The following MTMR7 variants were observed in gnomAD, a reference collection of about 807,000 sequenced individuals.
The protein encoded by MTMR7 is myotubularin related protein 7.
A neutral mutation model predicts 81.2 loss-of-function variants in MTMR7; 76 were observed. The observed-to-expected ratio is 0.94, with a 90% CI of 0.78 to 1.13. The LOEUF (loss-of-function observed/expected upper bound fraction) is 1.13, where lower values mean the gene tolerates loss of function less well. MTMR7 is among the 50% of genes most tolerant of loss of function. The pLI is 0.00. For synonymous variants in MTMR7, 372 were observed against 289.8 expected (o/e 1.28, Z -2.88); for missense variants, 1,044 against 820.0 (o/e 1.27, Z -3.34).
intron 1 of MTMR7, among the ~76,000 whole-genome samples, chr8:17,393,957 A>C (rs1343498190): frequency 6.6e-6 from 1 of 152,240 alleles, no homozygotes; most frequent in Non-Finnish European, 1.5e-5. Context: ...AAAGATGCTC[A>C]ACATAATTAG....
At chr8:17,355,139 T>C (rs1217480588) in intron 4 of MTMR7, among the ~76,000 whole-genome samples, 1 of 152,172 alleles carries the variant, frequency 6.6e-6, no homozygotes, top group Admixed American at 6.5e-5. Context: ...CAAGGAGACG[T>C]TATTCCACAA....
chr8:17,376,879 A>C (rs1425747825), intron 1 of MTMR7, among the ~76,000 whole-genome samples: 1 of 151,902 alleles, frequency 6.6e-6, no homozygotes, highest in African/African-American at 2.4e-5. Context: ...TGTTTTTTTA[A>C]CTCTAGCCCT....
At chr8:17,333,881 C>G (rs1033510507) in intron 6 of MTMR7, among the ~76,000 whole-genome samples, 1 of 151,948 alleles carries the variant, frequency 6.6e-6, no homozygotes, top group Non-Finnish European at 1.5e-5. Flanking sequence ...CCACAAGGGA[C>G]AGGAGGGTTA....
chr8:17,345,453 C>T (rs534049271), intron 5 of MTMR7, among the ~76,000 whole-genome samples: 26 of 152,338 alleles, frequency 1.7e-4, no homozygotes, highest in Non-Finnish European at 2.6e-4. Context: ...TGCTCCTCAG[C>T]GCAACCTCAT....
At chr8:17,411,731 A>T (rs1255426508) in intron 1 of MTMR7, among the ~76,000 whole-genome samples, 1 of 152,194 alleles carries the variant, frequency 6.6e-6, no homozygotes, top group Non-Finnish European at 1.5e-5. Context: ...TAAGAGTAAG[A>T]ACACTGCTTG....
At chr8:17,342,782 T>A (rs1819441406) in intron 5 of MTMR7, among the ~76,000 whole-genome samples, 1 of 151,788 alleles carries the variant, frequency 6.6e-6, no homozygotes, top group Admixed American at 6.6e-5. Context: ...GGACAAGGTG[T>A]GGGCGTGGGA....
intron 8 of MTMR7, among the ~76,000 whole-genome samples, 174 bp downstream of exon 8, chr8:17,313,118 T>C (rs1433953851): frequency 6.6e-6 from 1 of 152,234 alleles, no homozygotes; most frequent in African/African-American, 2.4e-5. Flanking sequence ...CTAAGCATTG[T>C]ATTCTTTCGC....
At chr8:17,322,771 G>A (rs1818464639) in intron 7 of MTMR7, among the ~76,000 whole-genome samples, 1 of 152,112 alleles carries the variant, frequency 6.6e-6, no homozygotes, top group South Asian at 2.1e-4. Flanking sequence ...GCTGCTGTGA[G>A]CTACAGTTGC....
chr8:17,336,751 C>G (rs913402821), intron 6 of MTMR7, among the ~76,000 whole-genome samples: 9 of 152,196 alleles, frequency 5.9e-5, no homozygotes, highest in Non-Finnish European at 1.2e-4. Context: ...CTCAGCACCC[C>G]CTCCGCTGGC....
In MTMR7 at chr8:17,380,042, C is replaced by T. The variant is rs114862877; in HGVS notation, c.25-6802G>A. Among the ~76,000 whole-genome samples, 1,354 of 152,092 alleles carry T rather than the reference C, an allele frequency of 8.9e-3. 39 individuals carry two copies. The highest frequency in any genetic ancestry group is 0.031 in the African/African-American group (1,295 of 41,494). ...GTGCCACAAGACAATGACACATAAA[C>T]GGATGGTGAGTCGATCTGCAACGTG... On this transcript the variant is annotated intron_variant, in intron 1 of 13. Coordinates refer to ENST00000180173, the MANE Select transcript of MTMR7 (RefSeq NM_004686.5).
intron 1 of MTMR7, among the ~76,000 whole-genome samples, chr8:17,381,429 T>C (rs940123331): frequency 2.6e-5 from 4 of 152,112 alleles, no homozygotes; most frequent in Non-Finnish European, 5.9e-5. Context: ...CACCTTCGAA[T>C]TTCAATCTTA....
At chr8:17,370,170 T>C (rs1365344659) in intron 3 of MTMR7, among the ~76,000 whole-genome samples, 16 of 151,260 alleles carry the variant, frequency 1.1e-4, no homozygotes, top group Non-Finnish European at 1.6e-4. Context: ...ATCCATACCC[T>C]GAATAGTCAC....
intron 1 of MTMR7, among the ~76,000 whole-genome samples, chr8:17,397,737 C>G (rs542465788): frequency 6.6e-6 from 1 of 152,122 alleles, no homozygotes; most frequent in East Asian, 1.9e-4. Flanking sequence ...TTGGAAGTAG[C>G]CAGGTAGTGG....
At chr8:17,308,068 GGAA>G (rs1375488817) in intron 10 of MTMR7, among the ~76,000 whole-genome samples, 2 of 147,550 alleles carry the variant, frequency 1.4e-5, no homozygotes, top group African/African-American at 2.6e-5. Context: ...AATAAAATGA[GGAA>G]GAAAAAAATA....
chr8:17,397,732 A>G (rs2150581627), intron 1 of MTMR7, among the ~76,000 whole-genome samples: 1 of 152,236 alleles, frequency 6.6e-6, no homozygotes, highest in Non-Finnish European at 1.5e-5. Flanking sequence ...GAACTTTGGA[A>G]GTAGCCAGGT....
chr8:17,397,215 C>G (rs1821281030), intron 1 of MTMR7, among the ~76,000 whole-genome samples: 1 of 151,764 alleles, frequency 6.6e-6, no homozygotes, highest in Non-Finnish European at 1.5e-5. Context: ...GGCACTTTGT[C>G]TTGCACCTCA....
chr8:17,314,962 G>T (rs1400909811), intron 7 of MTMR7, among the ~76,000 whole-genome samples: 1 of 152,176 alleles, frequency 6.6e-6, no homozygotes, highest in Non-Finnish European at 1.5e-5. Context: ...AAATGAGAGG[G>T]TGCTTAGTGG....
intron 11 of MTMR7, among the ~76,000 whole-genome samples, chr8:17,304,847 G>A (rs1201398244): frequency 6.6e-6 from 1 of 151,644 alleles, no homozygotes; most frequent in Non-Finnish European, 1.5e-5. Context: ...TATTCTAAAT[G>A]TTCCACGTTT....
At chr8:17,366,584 A>C (rs1228892105) in intron 3 of MTMR7, among the ~76,000 whole-genome samples, 4 of 152,098 alleles carry the variant, frequency 2.6e-5, no homozygotes, top group Non-Finnish European at 1.5e-5. Flanking sequence ...AATTCAGGCA[A>C]CTTAAAATAA....
Sources: allele counts gnomAD v4.1 joint callset (sites outside exome capture counted in the v4.1 genomes callset), GRCh38; gene constraint gnomAD v4.1.1; transcripts MANE v1.5; gene names NCBI Gene and HGNC (gene_info 2026-07-23, HGNC 2026-07-21).